The following ADSS2 variants were observed in gnomAD, a reference collection of about 807,000 sequenced individuals.
ADSS2 encodes adenylosuccinate synthetase isozyme 2.
A neutral mutation model predicts 60.0 loss-of-function variants in ADSS2; 30 were observed. The ratio of observed to expected loss-of-function variants is 0.50; its 90% CI spans 0.37 to 0.68. The LOEUF is 0.68. Ranked by LOEUF, ADSS2 falls within the 30% of genes least tolerant of loss-of-function variation. The probability of loss-of-function intolerance (pLI) is 0.00; values close to 1 mark genes in which losing one functional copy is unlikely to be tolerated. For missense variants in ADSS2, 373 were observed against 554.8 expected (o/e 0.67, Z 3.29); for synonymous variants, 187 against 193.1 (o/e 0.97, Z 0.26).
At chr1:244,430,038 T>C (rs1664899976) in intron 4 of ADSS2, among the ~76,000 whole-genome samples, 1 of 152,126 alleles carries the variant, frequency 6.6e-6, no homozygotes, top group African/African-American at 2.4e-5. Context: ...TACATTTCAG[T>C]CTGCGCTTAT....
intron 10 of ADSS2, 70 bp from the exon 11 acceptor site, chr1:244,416,148 T>C: frequency 3.9e-6 from 4 of 1,036,498 alleles, no homozygotes; most frequent in East Asian, 2.4e-5. Flanking sequence ...ATTTGATTAA[T>C]GCAGGAGTAA....
chr1:244,410,629 C>G (rs1352894369), intron 12 of ADSS2, among the ~76,000 whole-genome samples: 1 of 151,822 alleles, frequency 6.6e-6, no homozygotes, highest in Non-Finnish European at 1.5e-5. Flanking sequence ...CATTTTTAAC[C>G]CCCCAAAAAC....
At chr1:244,444,514 C>CAAAAAAAAAAAAAAAAAAAAAAAA (rs56001597) in intron 1 of ADSS2, among the ~76,000 whole-genome samples, 21 of 42,548 alleles carry the variant, frequency 4.9e-4, no homozygotes, top group Non-Finnish European at 6.3e-4. Context: ...GACTCCATCT[C>CAAAAAAAAAAAAAAAAAAAAAAAA]AAAAAAAAAA....
chr1:244,446,021 C>T (rs61843978), intron 1 of ADSS2, among the ~76,000 whole-genome samples: 31,563 of 152,120 alleles, frequency 0.21, 3,616 homozygotes, highest in Admixed American at 0.28. Context: ...AGTCAGTGGC[C>T]ACTATGGATT....
chr1:244,449,241 T>C (rs1485364115), intron 1 of ADSS2, among the ~76,000 whole-genome samples: 8 of 152,234 alleles, frequency 5.3e-5, no homozygotes, highest in Non-Finnish European at 5.9e-5. Flanking sequence ...CCAGTTTTTC[T>C]TTTTAAAACT....
chr1:244,443,346 T>C (rs1269011160), intron 1 of ADSS2, among the ~76,000 whole-genome samples: 3 of 152,358 alleles, frequency 2.0e-5, no homozygotes, highest in African/African-American at 7.2e-5. Flanking sequence ...CCAGTCACTC[T>C]TGTAGCATTT....
At chr1:244,444,329 A>C (rs995167543) in intron 1 of ADSS2, among the ~76,000 whole-genome samples, 2 of 150,342 alleles carry the variant, frequency 1.3e-5, no homozygotes, top group Non-Finnish European at 3.0e-5. Context: ...TCCCGGCTAA[A>C]ACGGTGAAAC....
At chr1:244,444,514 C>CAAAAAAAAAAAAAAAA (rs56001597) in intron 1 of ADSS2, among the ~76,000 whole-genome samples, 43 of 42,546 alleles carry the variant, frequency 1.0e-3, no homozygotes, top group African/African-American at 3.1e-3. Flanking sequence ...GACTCCATCT[C>CAAAAAAAAAAAAAAAA]AAAAAAAAAA....
chr1:244,419,193 T>C (rs1664619022), intron 8 of ADSS2: 1 of 256,660 alleles, frequency 3.9e-6, no homozygotes. Context: ...ACTCACTTAC[T>C]GGATTATGAA....
rs966140027 is a variant in ADSS2, at chr1:244,422,762, G to A, written c.663+73C>T. On this transcript the variant is annotated intron_variant, in intron 7 of 12. Transcript: ENST00000366535. ...GCCAGTTCTTACCCAAAGCCTGCAT[G>A]AATGAAAAGATCTAGATGCCAATTT... is the stretch of plus-strand genomic sequence containing the variant. The A allele has an allele frequency of 5.5e-5, 63 of 1,144,752 alleles. No homozygotes were observed. The Admixed American group carries it at 1.2e-3, about 21-fold the overall frequency. The allele number at this position is 1,144,752 out of a possible 1,614,324, so 70.9% of individuals were successfully genotyped here. A position where few individuals can be genotyped will look rare whatever the true frequency, so the allele number is the denominator to read the frequency against.
In ADSS2 at chr1:244,451,213, G is replaced by A. The variant is rs1558284749; in HGVS notation, c.183+422C>T. On this transcript the variant is annotated intron_variant, in intron 1 of 12. Transcript: ENST00000366535. This position sits in a 1 kb window ranked among gnomAD's most constrained non-coding sequence, Gnocchi z 6.6. ...GCGGGGCGGGGGGGCGGTGATGGGGGGTTCTGCCGTCGCGCCGGGTCTCCG... is the reference window on the plus strand; with the variant it reads ...GCGGGGCGGGGGGGCGGTGATGGGGAGTTCTGCCGTCGCGCCGGGTCTCCG... Among the ~76,000 whole-genome samples the A allele has an allele frequency of 6.6e-6, 1 of 152,284 alleles. No homozygotes were observed. Among genetic ancestry groups the A allele is most frequent in the East Asian group, 1.9e-4 (1 of 5,162 alleles).
intron 1 of ADSS2, among the ~76,000 whole-genome samples, chr1:244,446,611 G>A (rs1665390442): frequency 6.6e-6 from 1 of 152,134 alleles, no homozygotes; most frequent in South Asian, 2.1e-4. Context: ...TTACTATTAT[G>A]AAATAACTTC....
chr1:244,451,221 C>T lies in ADSS2; in HGVS notation c.183+414G>A, dbSNP rs549006657. 9.8e-4 allele frequency among the ~76,000 whole-genome samples: 149 copies of T among 152,282 alleles called. 4 individuals carry two copies. The South Asian group carries it at 0.022, about 23-fold the overall frequency. On this transcript the variant is annotated intron_variant, in intron 1 of 12. Coordinates refer to ENST00000366535, the MANE Select transcript of ADSS2 (RefSeq NM_001126.5). This position sits in a 1 kb window ranked among gnomAD's most constrained non-coding sequence, Gnocchi z 6.6. ...GGGGGGCGGTGATGGGGGGTTCTGC[C>T]GTCGCGCCGGGTCTCCGCCCGCAGT...
Position 244,413,288 on chromosome 1 carries a change from A to G in ADSS2, c.1169-1852T>C, listed in dbSNP as rs1210658079. 2.6e-5 allele frequency among the ~76,000 whole-genome samples: 4 copies of G among 152,220 alleles called. No homozygotes were observed. In the East Asian group the frequency reaches 7.7e-4, roughly 29 times the overall value. On this transcript the variant is annotated intron_variant, in intron 11 of 12. Transcript: ENST00000366535. ...AAGTAATGAACCATACTAAGTAGGT[A>G]TGCCGGAACTGCTGTTGTAGATGGT...
At chr1:244,441,008 A>C (rs1665226345) in intron 1 of ADSS2, among the ~76,000 whole-genome samples, 1 of 151,840 alleles carries the variant, frequency 6.6e-6, no homozygotes, top group African/African-American at 2.4e-5. Flanking sequence ...TTCTGATAGA[A>C]TCCTAGGACA....
chr1:244,418,153 T>A (rs904688455), intron 9 of ADSS2, among the ~76,000 whole-genome samples: 16 of 152,306 alleles, frequency 1.1e-4, no homozygotes, highest in African/African-American at 3.1e-4. Flanking sequence ...TGAAGAAAAC[T>A]AAGATCGAAA....
intron 1 of ADSS2, among the ~76,000 whole-genome samples, chr1:244,440,017 CTGGGGG>C (rs1282533702): frequency 2.6e-5 from 4 of 152,180 alleles, no homozygotes; most frequent in African/African-American, 9.6e-5. Context: ...CCCATGGCTG[CTGGGGG>C]TGGGGAAGGG....
intron 8 of ADSS2, among the ~76,000 whole-genome samples, chr1:244,419,582 T>C (rs185837076): frequency 7.9e-5 from 12 of 152,198 alleles, no homozygotes; most frequent in Non-Finnish European, 1.5e-4. Context: ...GCCAATGAAA[T>C]GTCAGTAAAA....
chr1:244,446,180 G>T (rs549132368), intron 1 of ADSS2, among the ~76,000 whole-genome samples: 10 of 152,094 alleles, frequency 6.6e-5, no homozygotes, highest in Non-Finnish European at 1.5e-4. Context: ...CTGCTTTCAG[G>T]GTAAAGATTG....
Sources: gnomAD v4.1 joint callset for allele counts (sites outside exome capture counted in the v4.1 genomes callset) on GRCh38, gnomAD v4.1.1 for gene constraint, Gnocchi (gnomAD v3.1) non-coding constraint, MANE v1.5 for transcripts, NCBI Gene and HGNC (gene_info 2026-07-23, HGNC 2026-07-21) for gene names.